Variants in SPECC1 observed in about 807,000 individuals in gnomAD.
SPECC1 encodes cytospin-B.
SPECC1 carries 62 observed loss-of-function variants against 104.1 expected under a neutral mutation model. The ratio of observed to expected loss-of-function variants is 0.60; its 90% CI spans 0.49 to 0.74. The LOEUF (loss-of-function observed/expected upper bound fraction) is 0.74, where lower values mean the gene tolerates loss of function less well. SPECC1 is among the 30% of genes least tolerant of loss of function. The probability of loss-of-function intolerance (pLI) is 0.00; values close to 1 mark genes in which losing one functional copy is unlikely to be tolerated. For synonymous variants in SPECC1, 513 were observed against 501.6 expected, an observed-to-expected ratio of 1.02 and a Z score of -0.30; for missense variants, 1,306 against 1,310.5, an observed-to-expected ratio of 1.00 and a Z score of 0.05.
chr17:20,152,454 C>T lies in SPECC1; in HGVS notation c.283+41892C>T, dbSNP rs1597826442. Among the ~76,000 whole-genome samples the T allele has an allele frequency of 3.0e-5, 4 of 135,490 alleles. No homozygotes were observed. In the East Asian group the frequency reaches 7.7e-4, roughly 26 times the overall value. 88.9% of individuals were successfully genotyped at this position (135,490 alleles called of 152,430 possible). A position where few individuals can be genotyped will look rare whatever the true frequency, so the allele number is the denominator to read the frequency against. On this transcript the variant is annotated intron_variant, in intron 3 of 14. Transcript: ENST00000395527. ...GATGATATATATTACTCTGCTTCAG[C>T]TGCCATAACCAATTGCACAGACTGG...
At chr17:20,290,391 G>C (rs201310385) in intron 12 of SPECC1, 1 of 151,256 alleles carries the variant, frequency 6.6e-6, no homozygotes, top group African/African-American at 2.4e-5. Flanking sequence ...ACCCAGGCTG[G>C]TGTGATCATG....
chr17:20,275,732 A>G (rs1013927680), intron 12 of SPECC1, among the ~76,000 whole-genome samples: 1 of 152,204 alleles, frequency 6.6e-6, no homozygotes, highest in Non-Finnish European at 1.5e-5. Context: ...GCCCCTGCCT[A>G]TTCTCAGGGC....
chr17:20,096,610 T>C (rs1475166744), intron 1 of SPECC1, 21 bp from the exon 2 acceptor site: 2 of 1,582,648 alleles, frequency 1.3e-6, no homozygotes, highest in Admixed American at 3.6e-5. Flanking sequence ...AGACATGTTT[T>C]TCTTTTCTGC....
intron 3 of SPECC1, among the ~76,000 whole-genome samples, chr17:20,192,704 C>T (rs2035753507): frequency 6.6e-6 from 1 of 152,122 alleles, no homozygotes; most frequent in South Asian, 2.1e-4. Context: ...GCAAGGATGA[C>T]AGTATTCATA....
At chr17:20,019,486 C>T (rs1208828156) in intron 1 of SPECC1, among the ~76,000 whole-genome samples, 2 of 152,182 alleles carry the variant, frequency 1.3e-5, no homozygotes, top group South Asian at 2.1e-4. Context: ...ATGGCACGTG[C>T]TCAGCAGCCT....
chr17:20,315,010 G>C lies in SPECC1; in HGVS notation c.*945G>C, dbSNP rs566367792. The C allele has an allele frequency of 8.6e-6, 2 of 232,596 alleles. No individual in the cohort carries two copies. The highest frequency in any genetic ancestry group is 1.7e-5 in the Non-Finnish European group (2 of 117,810). 14.4% of individuals were successfully genotyped at this position (232,596 alleles called of 1,614,324 possible). On this transcript the variant is annotated 3_prime_UTR_variant, in exon 15 of 15. Transcript: ENST00000395527. ...TCACAGTAGGGAAACCGCAGTCCTC[G>C]TCACCTGCGCCTTTGTCCTCCCATT... is the stretch of plus-strand genomic sequence containing the variant.
chr17:20,225,961 C>G lies in SPECC1; in HGVS notation c.1864-1452C>G, dbSNP rs556113679. On this transcript the variant is annotated intron_variant, in intron 4 of 14. Transcript: ENST00000395527. ...TCATCAAATATTCATTAAATGCCTC[C>G]TGTGTGTGATGCTGTGTAGATACTA... Among the ~76,000 whole-genome samples the G allele has an allele frequency of 9.2e-5, 14 of 152,240 alleles. No individual in the cohort carries two copies. In the East Asian group the frequency reaches 2.5e-3, roughly 27 times the overall value.
At chr17:20,036,050 A>T (rs143201367) in intron 1 of SPECC1, among the ~76,000 whole-genome samples, 1 of 152,074 alleles carries the variant, frequency 6.6e-6, no homozygotes, top group African/African-American at 2.4e-5. Flanking sequence ...TGACCTTGTG[A>T]TCTGCCTGCC....
intron 2 of SPECC1, among the ~76,000 whole-genome samples, chr17:20,103,036 G>A (rs1411584427): frequency 6.6e-6 from 1 of 152,148 alleles, no homozygotes; most frequent in African/African-American, 2.4e-5. Flanking sequence ...ATTTGCCCAA[G>A]GTCACACAGC....
At chr17:20,130,032 G>A (rs1263510080) in intron 3 of SPECC1, among the ~76,000 whole-genome samples, 1 of 152,182 alleles carries the variant, frequency 6.6e-6, no homozygotes, top group Non-Finnish European at 1.5e-5. Context: ...GGGAATACAG[G>A]TGTGAGCCAC....
At chr17:20,291,685 C>A (rs1005505673) in intron 12 of SPECC1, among the ~76,000 whole-genome samples, 1 of 152,100 alleles carries the variant, frequency 6.6e-6, no homozygotes, top group Non-Finnish European at 1.5e-5. Context: ...GCTGGAACTA[C>A]AGGCATGTGC....
chr17:20,101,773 G>T (rs956789807), intron 2 of SPECC1, among the ~76,000 whole-genome samples: 1 of 152,198 alleles, frequency 6.6e-6, no homozygotes. Context: ...GCGGGACAAA[G>T]GTGCATTTTA....
At chr17:20,023,858 A>C (rs1224169404) in intron 1 of SPECC1, among the ~76,000 whole-genome samples, 2 of 152,242 alleles carry the variant, frequency 1.3e-5, no homozygotes, top group Non-Finnish European at 2.9e-5. Context: ...CAAAGTTAAA[A>C]TAACCCTGAT....
chr17:20,272,917 C>T (rs1325100452), intron 12 of SPECC1, among the ~76,000 whole-genome samples: 1 of 152,186 alleles, frequency 6.6e-6, no homozygotes, highest in African/African-American at 2.4e-5. Context: ...TTCCTACAGT[C>T]CCTTTATTCC....
At chr17:20,059,625 G>C (rs1237444543) in intron 1 of SPECC1, among the ~76,000 whole-genome samples, 1 of 152,146 alleles carries the variant, frequency 6.6e-6, no homozygotes, top group African/African-American at 2.4e-5. Flanking sequence ...AGATCCCTGA[G>C]ACCCTTTTCC....
chr17:20,279,017 C>T (rs2151661774), intron 12 of SPECC1, among the ~76,000 whole-genome samples: 1 of 152,286 alleles, frequency 6.6e-6, no homozygotes, highest in East Asian at 1.9e-4. Context: ...GCAGCTGCTG[C>T]TGCAGCATAA....
At chr17:20,174,957 A>G (rs1365801309) in intron 3 of SPECC1, among the ~76,000 whole-genome samples, 2 of 152,112 alleles carry the variant, frequency 1.3e-5, no homozygotes, top group Non-Finnish European at 2.9e-5. Flanking sequence ...TTCAAAAAAA[A>G]TCTTAACCTC....
At position 20,133,291 on chromosome 17, in the gene SPECC1, T is replaced by C. The variant is rs182658501; in HGVS notation, c.283+22729T>C. ...TTCCTTATCTGAAAAACAGAGCTAG[T>C]CTTACCCATCTCCTACAGTGTGAGA... On this transcript the variant is annotated intron_variant, in intron 3 of 14. Coordinates refer to ENST00000395527, the MANE Select transcript of SPECC1 (RefSeq NM_001243439.2). Among the ~76,000 whole-genome samples, 3 of 152,270 alleles carry C rather than the reference T, an allele frequency of 2.0e-5. No homozygotes were observed. The East Asian group carries it at 5.8e-4, about 29-fold the overall frequency.
chr17:20,131,368 G>A (rs181425436), intron 3 of SPECC1, among the ~76,000 whole-genome samples: 89 of 151,980 alleles, frequency 5.9e-4, no homozygotes, highest in Non-Finnish European at 3.2e-4. Flanking sequence ...TAGTAGAGAC[G>A]GGGTTTCACC....
Sources: gnomAD v4.1 joint callset for allele counts (sites outside exome capture counted in the v4.1 genomes callset) on GRCh38, gnomAD v4.1.1 for gene constraint, MANE v1.5 for transcripts, NCBI Gene and HGNC (gene_info 2026-07-23, HGNC 2026-07-21) for gene names.